The following PPP4R3B variants were observed in gnomAD, a reference collection of about 807,000 sequenced individuals.
PPP4R3B encodes the protein protein phosphatase 4 regulatory subunit 3B.
Under a neutral mutation model 95.4 loss-of-function variants are expected in PPP4R3B, and 52 were observed. That is an observed-to-expected ratio of 0.54 (90% CI 0.44 to 0.69). PPP4R3B has a LOEUF of 0.69. PPP4R3B is among the 30% of genes least tolerant of loss of function. The pLI is 0.00. For missense variants in PPP4R3B, 1,003 were observed against 1,005.9 expected (o/e 1.00, Z 0.04); for synonymous variants, 407 against 343.9 (o/e 1.18, Z -2.03).
intron 2 of PPP4R3B, among the ~76,000 whole-genome samples, chr2:55,604,825 A>T (rs532792712): frequency 6.8e-6 from 1 of 147,148 alleles, no homozygotes; most frequent in South Asian, 2.2e-4. Context: ...CATACACACA[A>T]ATATACATAT....
At chr2:55,590,927 C>A (rs1416614498) in intron 4 of PPP4R3B, among the ~76,000 whole-genome samples, 1 of 152,090 alleles carries the variant, frequency 6.6e-6, no homozygotes, top group South Asian at 2.1e-4. Flanking sequence ...TACTAAAAAT[C>A]AATTGGTGCT....
At chr2:55,610,042 T>A (rs1486062814) in intron 2 of PPP4R3B, among the ~76,000 whole-genome samples, 1 of 152,220 alleles carries the variant, frequency 6.6e-6, no homozygotes, top group Non-Finnish European at 1.5e-5. Flanking sequence ...GTAAACCTGC[T>A]TAACTTCCCA....
chr2:55,565,014 T>C lies in PPP4R3B; in HGVS notation c.1963A>G (p.Ile655Val). 1 of 1,603,874 alleles carries C rather than the reference T, an allele frequency of 6.2e-7. No homozygotes were observed. The highest frequency in any genetic ancestry group is 1.7e-4 in the Middle Eastern group (1 of 5,926). The stretch of plus-strand genomic sequence containing the variant: ...AGTGCTTTATAAAAGTTTTCAACTA[T>C]ATGGGCAGTAAGAGACTTGATATCT... ...VEDIKSLTAH[I>V]VENFYKALES... Residue 655 changes from isoleucine (I) to valine (V), a missense_variant, in exon 14 of 17, where the codon ATA becomes GTA. Physicochemically the swap from Ile to Val is conservative, Grantham distance 29. Coordinates refer to ENST00000616407, the MANE Select transcript of PPP4R3B (RefSeq NM_001122964.3).
rs561531554 is a variant in PPP4R3B, at chr2:55,580,170, T to C, written c.1366-389A>G. ...TATGAAACGCAGTGAAGAACCAATC[T>C]ATTGTACAACATATATAATAACAAC... On this transcript the variant is annotated intron_variant, in intron 8 of 16. Coordinates refer to ENST00000616407, the MANE Select transcript of PPP4R3B (RefSeq NM_001122964.3). 2.0e-5 allele frequency among the ~76,000 whole-genome samples: 3 copies of C among 152,274 alleles called. No homozygotes were observed. The South Asian group carries it at 6.2e-4, about 32-fold the overall frequency.
At chr2:55,589,389 C>T (rs1016978148) in intron 4 of PPP4R3B, among the ~76,000 whole-genome samples, 1 of 152,140 alleles carries the variant, frequency 6.6e-6, no homozygotes, top group African/African-American at 2.4e-5. Context: ...GTAAAGGAGG[C>T]TGAATTCCGA....
intron 7 of PPP4R3B, among the ~76,000 whole-genome samples, chr2:55,582,613 G>T (rs763525808): frequency 3.3e-5 from 5 of 152,146 alleles, no homozygotes; most frequent in Non-Finnish European, 5.9e-5. Context: ...TCAGCCAAGT[G>T]GTAATCGTGA....
intron 4 of PPP4R3B, among the ~76,000 whole-genome samples, chr2:55,596,250 T>G (rs1691762438): frequency 6.6e-6 from 1 of 152,216 alleles, no homozygotes; most frequent in Non-Finnish European, 1.5e-5. Context: ...CAAATCTGAC[T>G]TTCAAGGTGA....
chr2:55,553,044 G>T (rs765328508), intron 16 of PPP4R3B, among the ~76,000 whole-genome samples: 2 of 152,158 alleles, frequency 1.3e-5, no homozygotes, highest in Non-Finnish European at 2.9e-5. Context: ...TGACAGCCAG[G>T]AGATTTCTGT....
intron 16 of PPP4R3B, among the ~76,000 whole-genome samples, chr2:55,555,278 T>TAA (rs372423262): frequency 0.45 from 48,739 of 108,110 alleles, 10,658 homozygotes; most frequent in Non-Finnish European, 0.53. Context: ...AGACTCCGTC[T>TAA]AAAAAAAAAA....
chr2:55,617,557 C>CCCG lies in PPP4R3B; in HGVS notation c.-275_-273dup. On this transcript the variant is annotated 5_prime_UTR_variant, in exon 1 of 17. Transcript: ENST00000616407. ...TTGCCCCCCAGGGCTCGCTTGCTCT[C>CCCG]CCGCCGCCGCGGTAACTACTACAGA... 1 of 369,824 alleles carries CCCG rather than the reference C, an allele frequency of 2.7e-6. No individual in the cohort carries two copies. Among genetic ancestry groups the CCCG allele is most frequent in the Non-Finnish European group, 4.9e-6 (1 of 203,288 alleles). The allele number at this position is 369,824 out of a possible 1,614,324, so 22.9% of individuals were successfully genotyped here.
At position 55,564,907 on chromosome 2, in the gene PPP4R3B, C is replaced by A. The variant is rs1206689363; in HGVS notation, c.2070G>T (p.Leu690=). ...EQEKDRQNQK[L]NSVPSILRSN... is the part of the protein sequence containing the mutation. ...GCAGTATACTTAAACAATACCTGTT[C>A]AGTTTCTGATTTTGTCTGTCTTTTT... Residue 690 remains leucine (L), a synonymous_variant, in exon 14 of 17, where the codon CTG becomes CTT. Coordinates refer to ENST00000616407, the MANE Select transcript of PPP4R3B (RefSeq NM_001122964.3). 1 of 1,609,574 alleles carries A rather than the reference C, an allele frequency of 6.2e-7. No homozygotes were observed.
At chr2:55,553,143 G>A (rs1436075673) in intron 16 of PPP4R3B, among the ~76,000 whole-genome samples, 1 of 152,178 alleles carries the variant, frequency 6.6e-6, no homozygotes, top group Non-Finnish European at 1.5e-5. Flanking sequence ...GAACTTTACA[G>A]AGCAAAGGAC....
chr2:55,595,674 A>C lies in PPP4R3B; in HGVS notation c.921+2742T>G, dbSNP rs76535387. On this transcript the variant is annotated intron_variant, in intron 4 of 16. Coordinates refer to ENST00000616407, the MANE Select transcript of PPP4R3B (RefSeq NM_001122964.3). ...ATACCTGGCTTAACAAATGACAACC[A>C]GATACTCATTTATCTTTTCTGGCAT... Among the ~76,000 whole-genome samples, 167 of 151,766 alleles carry C rather than the reference A, an allele frequency of 1.1e-3. 1 individual carries two copies. The highest frequency in any genetic ancestry group is 3.4e-3 in the African/African-American group (142 of 41,436).
At chr2:55,580,995 G>A (rs1250275150) in intron 8 of PPP4R3B, among the ~76,000 whole-genome samples, 1 of 152,164 alleles carries the variant, frequency 6.6e-6, no homozygotes, top group African/African-American at 2.4e-5. Context: ...ACTCACACCT[G>A]TAATCCCAGC....
intron 12 of PPP4R3B, among the ~76,000 whole-genome samples, chr2:55,571,093 G>C (rs1687940031): frequency 6.6e-6 from 1 of 152,218 alleles, no homozygotes; most frequent in Non-Finnish European, 1.5e-5. Flanking sequence ...GGTGGATCAT[G>C]AGGTCAGGAG....
chr2:55,587,378 A>AT (rs1574819024), intron 5 of PPP4R3B, among the ~76,000 whole-genome samples: 2 of 152,242 alleles, frequency 1.3e-5, no homozygotes, highest in East Asian at 3.9e-4. Flanking sequence ...GAGTCCAGGA[A>AT]TTTGAGACCA....
At chr2:55,596,170 AG>A (rs1364733073) in intron 4 of PPP4R3B, among the ~76,000 whole-genome samples, 1 of 152,166 alleles carries the variant, frequency 6.6e-6, no homozygotes, top group African/African-American at 2.4e-5. Flanking sequence ...TTACCCATTG[AG>A]AAAAAAAAAG....
At chr2:55,609,955 T>C (rs1693945311) in intron 2 of PPP4R3B, among the ~76,000 whole-genome samples, 1 of 152,136 alleles carries the variant, frequency 6.6e-6, no homozygotes, top group Non-Finnish European at 1.5e-5. Context: ...ATAAATACCT[T>C]TTGAATTTTT....
intron 2 of PPP4R3B, among the ~76,000 whole-genome samples, chr2:55,605,904 C>CA (rs35675375): frequency 0.021 from 1,798 of 85,930 alleles, 28 homozygotes; most frequent in Non-Finnish European, 0.029. Context: ...GACTCCGTCT[C>CA]AAAAAAAAAA....
Sources: gnomAD v4.1 joint callset for allele counts (sites outside exome capture counted in the v4.1 genomes callset) on GRCh38, gnomAD v4.1.1 for gene constraint, MANE v1.5 for transcripts, NCBI Gene and HGNC (gene_info 2026-07-23, HGNC 2026-07-21) for gene names.